The following ANKRD44 variants were observed in gnomAD, a reference collection of about 807,000 sequenced individuals.
The protein encoded by ANKRD44 is serine/threonine-protein phosphatase 6 regulatory ankyrin repeat subunit B.
ANKRD44 carries 35 observed loss-of-function variants against 116.0 expected under a neutral mutation model. That is an observed-to-expected ratio of 0.30 (90% CI 0.23 to 0.40). The LOEUF (loss-of-function observed/expected upper bound fraction) is 0.40. Among genes scored for constraint, ANKRD44 ranks in the 10% least tolerant of loss-of-function variants. The pLI is 1.00. For missense variants in ANKRD44, 1,014 were observed against 1,242.6 expected (o/e 0.82, Z 2.77); for synonymous variants, 435 against 461.8 (o/e 0.94, Z 0.74).
intron 21 of ANKRD44, among the ~76,000 whole-genome samples, chr2:196,973,341 A>G (rs1329870791): frequency 6.6e-6 from 1 of 152,070 alleles, no homozygotes; most frequent in African/African-American, 2.4e-5. Context: ...TAGATATTAA[A>G]CTTTAAACTA....
chr2:197,190,729 A>G (rs1347301554), intron 1 of ANKRD44, among the ~76,000 whole-genome samples: 2 of 152,234 alleles, frequency 1.3e-5, no homozygotes, highest in African/African-American at 4.8e-5. Flanking sequence ...ATTCTTGCTC[A>G]TAAGTATTAA....
rs1052421540 is a variant in ANKRD44 at position 196,995,474 on chromosome 2, A to C, written c.2749-13T>G. Reference sequence around the variant, plus strand: ...ATTTTTCATGACCCTAATAAAGAAAAAGAATGATAAGAAATGCAAGATAGA... The same window carrying C: ...ATTTTTCATGACCCTAATAAAGAAACAGAATGATAAGAAATGCAAGATAGA... On this transcript the variant is annotated splice_polypyrimidine_tract_variant and intron_variant, in intron 25 of 27. Coordinates refer to ENST00000282272, the MANE Select transcript of ANKRD44 (RefSeq NM_001195144.2). 1 of 1,564,750 alleles carries C rather than the reference A, an allele frequency of 6.4e-7. No homozygotes were observed. Among genetic ancestry groups the C allele is most frequent in the African/African-American group, 1.4e-5 (1 of 73,568 alleles).
chr2:197,050,969 CTTTTTT>C (rs11428405), intron 16 of ANKRD44, among the ~76,000 whole-genome samples: 1 of 134,904 alleles, frequency 7.4e-6, no homozygotes, highest in African/African-American at 2.8e-5. Flanking sequence ...GTCTCCCTTA[CTTTTTT>C]TTTTTTTTTT....
intron 1 of ANKRD44, among the ~76,000 whole-genome samples, chr2:197,258,085 CTTTTT>C (rs967759010): frequency 2.0e-5 from 3 of 151,468 alleles, no homozygotes; most frequent in Non-Finnish European, 4.4e-5. Flanking sequence ...TTTATTTTTT[CTTTTT>C]ATTTATTTAT....
intron 3 of ANKRD44, among the ~76,000 whole-genome samples, chr2:197,143,562 G>T (rs1330872384): frequency 6.6e-6 from 1 of 151,794 alleles, no homozygotes; most frequent in Non-Finnish European, 1.5e-5. Flanking sequence ...AGTATTCCAT[G>T]GTGTATATGT....
At chr2:197,123,252 T>G (rs2078899161) in intron 6 of ANKRD44, among the ~76,000 whole-genome samples, 1 of 152,184 alleles carries the variant, frequency 6.6e-6, no homozygotes, top group Non-Finnish European at 1.5e-5. Context: ...TATTGTTTAA[T>G]CATATAAAAT....
At chr2:196,998,285 T>C in intron 25 of ANKRD44, 52 bp downstream of exon 25, 1 of 1,322,186 alleles carries the variant, frequency 7.6e-7, no homozygotes, top group Non-Finnish European at 1.1e-6. Flanking sequence ...GTGTTATTAT[T>C]ACTGTTATTA....
intron 18 of ANKRD44, among the ~76,000 whole-genome samples, chr2:197,010,791 G>T (rs1368300987): frequency 6.6e-6 from 1 of 152,190 alleles, no homozygotes; most frequent in East Asian, 1.9e-4. Context: ...GAGAGAGAAG[G>T]GAATAGACGC....
At chr2:197,272,375 C>T (rs2082922162) in intron 1 of ANKRD44, among the ~76,000 whole-genome samples, 1 of 151,992 alleles carries the variant, frequency 6.6e-6, no homozygotes, top group South Asian at 2.1e-4. Flanking sequence ...GTAGCTGGGA[C>T]TACAGGCACG....
intron 21 of ANKRD44, among the ~76,000 whole-genome samples, chr2:196,968,836 C>T (rs916045520): frequency 2.0e-5 from 3 of 152,172 alleles, no homozygotes; most frequent in Non-Finnish European, 2.9e-5. Context: ...CCATTTTGAG[C>T]TTTCACGCAG....
chr2:197,173,787 C>G (rs543274748), intron 2 of ANKRD44, among the ~76,000 whole-genome samples: 12 of 152,286 alleles, frequency 7.9e-5, no homozygotes, highest in South Asian at 4.1e-4. Context: ...AATCCAAACA[C>G]TTTGGGAAGC....
chr2:197,108,752 C>T (rs543589222), intron 9 of ANKRD44, among the ~76,000 whole-genome samples: 5 of 152,166 alleles, frequency 3.3e-5, no homozygotes, highest in East Asian at 1.9e-4. Context: ...GCACAAGAAT[C>T]GCTTGAACCC....
intron 17 of ANKRD44, among the ~76,000 whole-genome samples, chr2:197,021,089 T>C (rs1445524006): frequency 3.3e-5 from 5 of 152,120 alleles, no homozygotes; most frequent in Admixed American, 3.3e-4. Context: ...AGAATGATGG[T>C]TTTCATCTTC....
chr2:196,986,242 C>T (rs1331907431), downstream of ANKRD44, among the ~76,000 whole-genome samples: 1 of 152,022 alleles, frequency 6.6e-6, no homozygotes, highest in South Asian at 2.1e-4. Flanking sequence ...TATAGTGAGA[C>T]CCCATCTCTA....
intron 16 of ANKRD44, among the ~76,000 whole-genome samples, chr2:197,058,475 C>G (rs75918130): frequency 6.7e-6 from 1 of 149,740 alleles, no homozygotes; most frequent in African/African-American, 2.5e-5. Context: ...AGAGAAGGGA[C>G]GTTATACAAG....
At chr2:197,141,105 T>C (rs1207951115) in intron 3 of ANKRD44, among the ~76,000 whole-genome samples, 1 of 152,168 alleles carries the variant, frequency 6.6e-6, no homozygotes, top group African/African-American at 2.4e-5. Context: ...TAATCCCAGC[T>C]ACTCAAAAGG....
chr2:197,063,456 C>T (rs549412944), intron 16 of ANKRD44, among the ~76,000 whole-genome samples: 1 of 152,296 alleles, frequency 6.6e-6, no homozygotes, highest in East Asian at 1.9e-4. Context: ...GGACGGAGAA[C>T]GACTTTGACG....
intron 8 of ANKRD44, among the ~76,000 whole-genome samples, chr2:197,113,967 C>A (rs2078650471): frequency 6.6e-6 from 1 of 152,062 alleles, no homozygotes; most frequent in Admixed American, 6.5e-5. Context: ...TTTGGGACAA[C>A]TTTGTTCACA....
chr2:197,113,382 G>C (rs773390645), intron 8 of ANKRD44, among the ~76,000 whole-genome samples: 9 of 152,194 alleles, frequency 5.9e-5, no homozygotes, highest in Non-Finnish European at 1.2e-4. Flanking sequence ...AGAAATTGTG[G>C]AGTTGGCATT....
Sources: gnomAD v4.1 joint callset for allele counts (sites outside exome capture counted in the v4.1 genomes callset) on GRCh38, gnomAD v4.1.1 for gene constraint, MANE v1.5 for transcripts, NCBI Gene and HGNC (gene_info 2026-07-23, HGNC 2026-07-21) for gene names.